KSR2: variants seen among roughly 807,000 people sequenced by gnomAD.
KSR2 encodes the protein kinase suppressor of ras 2.
Under a neutral mutation model 107.8 loss-of-function variants are expected in KSR2, and 25 were observed. That is an observed-to-expected ratio of 0.23 (90% CI 0.17 to 0.32). The LOEUF (loss-of-function observed/expected upper bound fraction) is 0.32. KSR2 is among the 10% of genes least tolerant of loss of function. The pLI, the probability that KSR2 is intolerant of heterozygous loss-of-function variation, is 1.00. For synonymous variants in KSR2, 480 were observed against 507.0 expected (o/e 0.95, Z 0.71); for missense variants, 887 against 1,268.9 (o/e 0.70, Z 4.57).
intron 1 of KSR2, among the ~76,000 whole-genome samples, chr12:117,955,322 C>T (rs1358705977): frequency 6.6e-6 from 1 of 151,950 alleles, no homozygotes; most frequent in African/African-American, 2.4e-5. Flanking sequence ...GATGCTATCT[C>T]CCTATGTTGC....
intron 14 of KSR2, among the ~76,000 whole-genome samples, chr12:117,495,129 G>A (rs1403835822): frequency 6.6e-6 from 1 of 152,170 alleles, no homozygotes; most frequent in Non-Finnish European, 1.5e-5. Context: ...AAAAACACTC[G>A]AGCTGTCAGA....
At chr12:117,684,450 G>A (rs949197433) in intron 4 of KSR2, among the ~76,000 whole-genome samples, 1 of 152,118 alleles carries the variant, frequency 6.6e-6, no homozygotes, top group Non-Finnish European at 1.5e-5. Flanking sequence ...GAATGCTCAC[G>A]GGCTTTCCAT....
At chr12:117,611,703 T>C (rs79796214) in intron 5 of KSR2, among the ~76,000 whole-genome samples, 83 of 152,294 alleles carry the variant, frequency 5.4e-4, no homozygotes, top group African/African-American at 1.9e-3. Flanking sequence ...TAACAATCAT[T>C]TCTGGAACTC....
intron 3 of KSR2, among the ~76,000 whole-genome samples, chr12:117,793,777 G>C (rs1890415139): frequency 8.9e-6 from 1 of 112,694 alleles, no homozygotes; most frequent in African/African-American, 3.7e-5. Flanking sequence ...CATGCAACAT[G>C]CACACACCAA....
chr12:117,558,951 T>A (rs1252048158), intron 7 of KSR2, among the ~76,000 whole-genome samples: 5 of 151,496 alleles, frequency 3.3e-5, no homozygotes, highest in Non-Finnish European at 5.9e-5. Flanking sequence ...GATGAATGGA[T>A]GGGAGATGAA....
At chr12:117,685,760 G>T (rs1380236372) in intron 4 of KSR2, among the ~76,000 whole-genome samples, 6 of 152,206 alleles carry the variant, frequency 3.9e-5, no homozygotes, top group Non-Finnish European at 8.8e-5. Flanking sequence ...TGGCCTGTCA[G>T]GTGCCCCACC....
intron 1 of KSR2, among the ~76,000 whole-genome samples, chr12:117,893,782 G>A (rs1894420040): frequency 6.6e-6 from 1 of 152,062 alleles, no homozygotes. Context: ...GGAGAGTGAG[G>A]CATTCACTTT....
intron 1 of KSR2, among the ~76,000 whole-genome samples, chr12:117,894,068 C>CGG: frequency 6.6e-6 from 1 of 152,110 alleles, no homozygotes; most frequent in Non-Finnish European, 1.5e-5. Context: ...TGCCACTACA[C>CGG]CCGGCTAATT....
At chr12:117,622,412 CT>C (rs1388754089) in intron 5 of KSR2, among the ~76,000 whole-genome samples, 1 of 152,136 alleles carries the variant, frequency 6.6e-6, no homozygotes, top group Non-Finnish European at 1.5e-5. Context: ...CAGAGAACCT[CT>C]TTGATAAGAC....
At chr12:117,763,015 T>C (rs977198792) in intron 3 of KSR2, among the ~76,000 whole-genome samples, 6 of 152,138 alleles carry the variant, frequency 3.9e-5, no homozygotes, top group African/African-American at 9.7e-5. Context: ...ACATTAGGTA[T>C]ATCTCCTAAT....
At chr12:117,645,885 G>A (rs1481463991) in intron 5 of KSR2, among the ~76,000 whole-genome samples, 15 of 150,248 alleles carry the variant, frequency 1.0e-4, no homozygotes, top group African/African-American at 3.2e-4. Flanking sequence ...GTGTGTGTGT[G>A]TGTGTGTGTG....
intron 14 of KSR2, among the ~76,000 whole-genome samples, chr12:117,498,971 C>T (rs1007520790): frequency 2.6e-5 from 4 of 152,188 alleles, no homozygotes; most frequent in African/African-American, 7.2e-5. Context: ...CACTAAGATA[C>T]GCCTTTACCT....
At chr12:117,947,227 A>G (rs1896221320) in intron 1 of KSR2, among the ~76,000 whole-genome samples, 3 of 118,892 alleles carry the variant, frequency 2.5e-5, no homozygotes, top group African/African-American at 1.1e-4. Context: ...GAAAGAAAGA[A>G]AGAAAGAAAG....
intron 10 of KSR2, 191 bp downstream of exon 10, chr12:117,539,528 G>A (rs1356316882): frequency 2.0e-6 from 1 of 512,296 alleles, no homozygotes; most frequent in African/African-American, 2.0e-5. Flanking sequence ...GATTAAATAA[G>A]TGATATAAGG....
intron 14 of KSR2, among the ~76,000 whole-genome samples, chr12:117,515,818 G>A (rs1874336051): frequency 1.3e-5 from 2 of 152,112 alleles, no homozygotes; most frequent in Non-Finnish European, 2.9e-5. Context: ...CCCAGCTGCT[G>A]GGGAGGCTAA....
intron 5 of KSR2, among the ~76,000 whole-genome samples, chr12:117,608,195 A>C (rs1881399539): frequency 6.6e-6 from 1 of 152,234 alleles, no homozygotes; most frequent in Non-Finnish European, 1.5e-5. Context: ...AGCCAAAAAT[A>C]GTATCTCAAG....
intron 14 of KSR2, among the ~76,000 whole-genome samples, chr12:117,500,594 C>T (rs1160920929): frequency 6.6e-6 from 1 of 152,154 alleles, no homozygotes; most frequent in African/African-American, 2.4e-5. Flanking sequence ...GCATCTTATT[C>T]CTAACCACTA....
chr12:117,952,827 A>G (rs1413220352), intron 1 of KSR2, among the ~76,000 whole-genome samples: 1 of 151,952 alleles, frequency 6.6e-6, no homozygotes, highest in African/African-American at 2.4e-5. Context: ...TCTACTAAAA[A>G]TACAAAAATT....
intron 1 of KSR2, among the ~76,000 whole-genome samples, chr12:117,948,573 G>A (rs527796593): frequency 6.1e-4 from 93 of 152,118 alleles, no homozygotes; most frequent in Admixed American, 2.0e-3. Flanking sequence ...AGATCAGTGG[G>A]ACAGGATAGA....
Sources: gnomAD v4.1 joint callset for allele counts (sites outside exome capture counted in the v4.1 genomes callset) on GRCh38, gnomAD v4.1.1 for gene constraint, MANE v1.5 for transcripts, NCBI Gene and HGNC (gene_info 2026-07-23, HGNC 2026-07-21) for gene names.